Variants in TRAT1 observed in about 807,000 individuals in gnomAD.
TRAT1 encodes the protein T-cell receptor-associated transmembrane adapter 1.
A neutral mutation model predicts 20.0 loss-of-function variants in TRAT1; 20 were observed. The ratio of observed to expected loss-of-function variants is 1.00; its 90% CI spans 0.70 to 1.45. TRAT1 has a LOEUF of 1.45. Ranked by LOEUF, TRAT1 falls within the 40% of genes most tolerant of loss-of-function variation. The pLI, the probability that TRAT1 is intolerant of heterozygous loss-of-function variation, is 0.00. For synonymous variants in TRAT1, 77 were observed against 74.2 expected (o/e 1.04, Z -0.20); for missense variants, 237 against 224.1 (o/e 1.06, Z -0.37).
chr3:108,823,876 TG>T (rs1310125134), intron 1 of TRAT1, among the ~76,000 whole-genome samples: 3 of 152,144 alleles, frequency 2.0e-5, no homozygotes, highest in Non-Finnish European at 2.9e-5. Flanking sequence ...CAGTTTTTTT[TG>T]TTTGTTTTTT....
chr3:108,850,851 A>C (rs898772314), intron 5 of TRAT1, among the ~76,000 whole-genome samples: 1 of 152,236 alleles, frequency 6.6e-6, no homozygotes, highest in Non-Finnish European at 1.5e-5. Flanking sequence ...GAGAATTCTG[A>C]ATAGAAGTTA....
At position 108,848,517 on chromosome 3, in the gene TRAT1, G is replaced by T. The variant is rs2953353; in HGVS notation, c.215-649G>T. Reference sequence around the variant, plus strand: ...GAAGAAAGGTATGGATGATTCAAAAGGCATGTCCCCATAGGATGAAATGAG... The same window carrying T: ...GAAGAAAGGTATGGATGATTCAAAATGCATGTCCCCATAGGATGAAATGAG... On this transcript the variant is annotated intron_variant, in intron 4 of 5. Transcript: ENST00000295756. Among the ~76,000 whole-genome samples, 925 of 152,206 alleles carry T rather than the reference G, an allele frequency of 6.1e-3. 13 individuals are homozygous for T. The highest frequency in any genetic ancestry group is 0.021 in the African/African-American group (879 of 41,514).
In TRAT1 at chr3:108,854,097, C is replaced by G. The variant is rs976123186; in HGVS notation, c.*220C>G. The G allele has an allele frequency of 2.2e-5, 10 of 452,016 alleles. No homozygotes were observed. The highest frequency in any genetic ancestry group is 3.9e-5 in the Non-Finnish European group (10 of 254,466). 28.0% of individuals were successfully genotyped at this position (452,016 alleles called of 1,614,324 possible). On this transcript the variant is annotated 3_prime_UTR_variant, in exon 6 of 6. Coordinates refer to ENST00000295756, the MANE Select transcript of TRAT1 (RefSeq NM_016388.4). The stretch of plus-strand genomic sequence containing the variant: ...AAATAACTTAAAAAATGCTTTACTA[C>G]TAAAATGTAAAAAATTAATGTGCTC...
At chr3:108,842,847 T>C (rs775890599) in intron 3 of TRAT1, among the ~76,000 whole-genome samples, 1 of 152,210 alleles carries the variant, frequency 6.6e-6, no homozygotes, top group African/African-American at 2.4e-5. Flanking sequence ...GAAATGAGCA[T>C]ATTAGAGAGG....
At chr3:108,843,554 AAACAAC>A (rs201841156) in intron 3 of TRAT1, among the ~76,000 whole-genome samples, 9 of 151,892 alleles carry the variant, frequency 5.9e-5, no homozygotes, top group Admixed American at 2.0e-4. Context: ...AAAATAAACA[AAACAAC>A]AACAACAACA....
At chr3:108,851,394 A>T (rs1945996749) in intron 5 of TRAT1, among the ~76,000 whole-genome samples, 1 of 152,192 alleles carries the variant, frequency 6.6e-6, no homozygotes, top group African/African-American at 2.4e-5. Flanking sequence ...TGAAAAATAC[A>T]AGTGTGAGCT....
chr3:108,824,398 A>T (rs72949542), intron 1 of TRAT1, among the ~76,000 whole-genome samples: 16,457 of 152,172 alleles, frequency 0.11, 1,554 homozygotes, highest in East Asian at 0.57. Context: ...CCTTTAAAAA[A>T]TCGTCACTAA....
intron 5 of TRAT1, among the ~76,000 whole-genome samples, chr3:108,852,954 G>T (rs1384470936): frequency 6.6e-6 from 1 of 152,176 alleles, no homozygotes; most frequent in Non-Finnish European, 1.5e-5. Flanking sequence ...ATTGACCCAG[G>T]TCTAGTCCGG....
At chr3:108,826,747 A>G (rs995980357) in intron 1 of TRAT1, among the ~76,000 whole-genome samples, 1 of 152,218 alleles carries the variant, frequency 6.6e-6, no homozygotes, top group African/African-American at 2.4e-5. Flanking sequence ...AAGGAAAGCC[A>G]TTAAGAGAAG....
rs758068914 is a variant in TRAT1, at chr3:108,831,011, T to C, written c.118+231T>C. ...AATTTAGGAACTCTTCTTTAGGGTG[T>C]AGAGTGGGAAGGGATTATCCTGGTA... On this transcript the variant is annotated intron_variant, in intron 2 of 5. Transcript: ENST00000295756. Among the ~76,000 whole-genome samples the C allele has an allele frequency of 5.3e-4, 81 of 152,202 alleles. 1 individual carries two copies. The highest frequency in any genetic ancestry group is 5.2e-4 in the Admixed American group (8 of 15,280).
chr3:108,839,751 C>T (rs1945876212), intron 3 of TRAT1, among the ~76,000 whole-genome samples: 1 of 151,908 alleles, frequency 6.6e-6, no homozygotes, highest in African/African-American at 2.4e-5. Context: ...ACGTGATGAA[C>T]AGATACTCTG....
At chr3:108,831,330 A>G (rs1028695561) in intron 2 of TRAT1, among the ~76,000 whole-genome samples, 2 of 152,164 alleles carry the variant, frequency 1.3e-5, no homozygotes, top group African/African-American at 4.8e-5. Context: ...TGCTTTTTCA[A>G]CATGCTGGGC....
chr3:108,823,225 C>T (rs905316332), intron 1 of TRAT1, among the ~76,000 whole-genome samples: 6 of 152,130 alleles, frequency 3.9e-5, no homozygotes, highest in Non-Finnish European at 7.4e-5. Flanking sequence ...TTTAAAGAAG[C>T]TTTTGTTGAC....
At chr3:108,851,068 C>T (rs571971492) in intron 5 of TRAT1, among the ~76,000 whole-genome samples, 6 of 152,138 alleles carry the variant, frequency 3.9e-5, no homozygotes, top group South Asian at 2.1e-4. Context: ...GTAATATCTT[C>T]GTATTTGCTC....
At chr3:108,828,058 T>C (rs755585247) in intron 1 of TRAT1, among the ~76,000 whole-genome samples, 3 of 152,162 alleles carry the variant, frequency 2.0e-5, no homozygotes, top group Non-Finnish European at 4.4e-5. Flanking sequence ...TATAATTTTG[T>C]CCAAATGATT....
intron 1 of TRAT1, among the ~76,000 whole-genome samples, chr3:108,830,397 G>T (rs1279054436): frequency 2.0e-5 from 3 of 152,174 alleles, no homozygotes; most frequent in Non-Finnish European, 2.9e-5. Flanking sequence ...GTCACCACTT[G>T]TCACCTTTTA....
In TRAT1 at chr3:108,854,907, C is replaced by T. The variant is rs937460909; in HGVS notation, c.*1030C>T. On this transcript the variant is annotated 3_prime_UTR_variant, in exon 6 of 6. Coordinates refer to ENST00000295756, the MANE Select transcript of TRAT1 (RefSeq NM_016388.4). ...TTCATCAGAAACACATACTATAATA[C>T]TTGTCTCTGTCCTTAAGTGTGATAC... 2 of 152,124 alleles carry T rather than the reference C, an allele frequency of 1.3e-5. No homozygotes were observed. Among genetic ancestry groups the T allele is most frequent in the East Asian group, 1.9e-4 (1 of 5,198 alleles). The allele number at this position is 152,124 out of a possible 1,614,324, so 9.4% of individuals were successfully genotyped here. A position where few individuals can be genotyped will look rare whatever the true frequency, so the allele number is the denominator to read the frequency against.
intron 1 of TRAT1, among the ~76,000 whole-genome samples, chr3:108,828,272 GTGT>G (rs1553726352): frequency 1.3e-5 from 2 of 152,116 alleles, no homozygotes; most frequent in Non-Finnish European, 2.9e-5. Context: ...ATTTTTATTA[GTGT>G]TCCCGAGGCT....
In TRAT1 at chr3:108,853,990, T is replaced by G. The variant is rs868486933; in HGVS notation, c.*113T>G. 5 of 973,850 alleles carry G rather than the reference T, an allele frequency of 5.1e-6. No homozygotes were observed. The highest frequency in any genetic ancestry group is 3.2e-5 in the African/African-American group (2 of 61,662). 60.3% of individuals were successfully genotyped at this position (973,850 alleles called of 1,614,324 possible). Reference sequence around the variant, plus strand: ...GCAGCAGGGTGATGACCTGATCATTTGTTGATGGGATGGTGGCTTACCTCT... The same window carrying G: ...GCAGCAGGGTGATGACCTGATCATTGGTTGATGGGATGGTGGCTTACCTCT... On this transcript the variant is annotated 3_prime_UTR_variant, in exon 6 of 6. Coordinates refer to ENST00000295756, the MANE Select transcript of TRAT1 (RefSeq NM_016388.4).
Sources: gnomAD v4.1 joint callset for allele counts (sites outside exome capture counted in the v4.1 genomes callset) on GRCh38, gnomAD v4.1.1 for gene constraint, MANE v1.5 for transcripts, NCBI Gene and HGNC (gene_info 2026-07-23, HGNC 2026-07-21) for gene names.